GATA4: variants seen among roughly 807,000 people sequenced by gnomAD.
The protein encoded by GATA4 is transcription factor GATA-4.
In GATA4, 7 loss-of-function variants were observed where a neutral mutation model predicts 37.9. That is an observed-to-expected ratio of 0.18 (90% confidence interval 0.11 to 0.35). GATA4 has a LOEUF of 0.35. Among genes scored for constraint, GATA4 ranks in the 10% least tolerant of loss-of-function variants. The pLI, the probability that GATA4 is intolerant of heterozygous loss-of-function variation, is 1.00. For missense variants in GATA4, 647 were observed against 653.0 expected, an observed-to-expected ratio of 0.99 and a Z score of 0.10; for synonymous variants, 372 against 292.6, an observed-to-expected ratio of 1.27 and a Z score of -2.77.
At chr8:11,693,182 C>A in intron 1 of GATA4, 2 of 743,902 alleles carry the variant, frequency 2.7e-6, no homozygotes, top group Non-Finnish European at 3.3e-6. Flanking sequence ...AATGATTCGG[C>A]AAGCTGGGCG....
At chr8:11,732,585 G>T (rs1801262359) in intron 2 of GATA4, among the ~76,000 whole-genome samples, 1 of 152,232 alleles carries the variant, frequency 6.6e-6, no homozygotes. Context: ...ATTCAAGATA[G>T]ATGTGATTGA....
chr8:11,736,850 C>T (rs1341244300), intron 2 of GATA4, among the ~76,000 whole-genome samples: 1 of 152,208 alleles, frequency 6.6e-6, no homozygotes, highest in Non-Finnish European at 1.5e-5. Context: ...TGGTCTAACA[C>T]CTTCCTTTTA....
chr8:11,757,559 A>T (rs1339488408), intron 6 of GATA4, among the ~76,000 whole-genome samples: 1 of 152,212 alleles, frequency 6.6e-6, no homozygotes, highest in Non-Finnish European at 1.5e-5. Flanking sequence ...TTAGACTTCA[A>T]CAGGGAGGGT....
chr8:11,709,580 G>GA lies in GATA4; in HGVS notation c.616+652_616+653insA, dbSNP rs1025080017. Among the ~76,000 whole-genome samples, 12 of 151,954 alleles carry GA rather than the reference G, an allele frequency of 7.9e-5. No homozygotes were observed. The highest frequency in any genetic ancestry group is 1.5e-4 in the Non-Finnish European group (10 of 67,886). ...TGGGCGCATCATGCGGGCAGCGGGG[G>GA]GGGGGGCGCACACGCCCGGTCAGTG... is the stretch of plus-strand genomic sequence containing the variant. On this transcript the variant is annotated intron_variant, in intron 2 of 6. Coordinates refer to ENST00000532059, the MANE Select transcript of GATA4 (RefSeq NM_001308093.3). This position sits in a 1 kb window ranked among gnomAD's most constrained non-coding sequence, Gnocchi z 4.3.
chr8:11,716,322 T>A (rs999670282), intron 2 of GATA4, among the ~76,000 whole-genome samples: 1 of 152,152 alleles, frequency 6.6e-6, no homozygotes, highest in South Asian at 2.1e-4. Flanking sequence ...CTTTTTTTTT[T>A]AAAGAAGATT....
chr8:11,758,514 G>A lies in GATA4; in HGVS notation c.*39G>A, dbSNP rs370181429. On this transcript the variant is annotated 3_prime_UTR_variant, in exon 7 of 7. Transcript: ENST00000532059. ...CTCCTCAAATTCCTGCACGGACCTG[G>A]GACTTGGAGGATAGCAAAGAAGGAG... 1 of 1,607,896 alleles carries A rather than the reference G, an allele frequency of 6.2e-7. No individual in the cohort carries two copies. The highest frequency in any genetic ancestry group is 1.3e-5 in the African/African-American group (1 of 74,778).
At chr8:11,705,371 T>C (rs961244259) in intron 1 of GATA4, among the ~76,000 whole-genome samples, 20 of 152,214 alleles carry the variant, frequency 1.3e-4, no homozygotes, top group African/African-American at 4.3e-4. Flanking sequence ...ACCGTCCTCC[T>C]CGCTGCAGGC....
chr8:11,683,722 G>A (rs1191052163), intron 1 of GATA4, among the ~76,000 whole-genome samples: 1 of 152,176 alleles, frequency 6.6e-6, no homozygotes, highest in Non-Finnish European at 1.5e-5. Flanking sequence ...CTGCTCACTT[G>A]TTTGCCCCAA....
rs1554488884 is a variant in GATA4 at position 11,709,575 on chromosome 8, C to CGGGGGGGGGA, written c.616+656_616+657insAGGGGGGGGG. On this transcript the variant is annotated intron_variant, in intron 2 of 6. Coordinates refer to ENST00000532059, the MANE Select transcript of GATA4 (RefSeq NM_001308093.3). The surrounding 1 kb of genome is among the most constrained non-coding windows in gnomAD (Gnocchi z 4.3). Reference sequence around the variant, plus strand: ...GCGCGTGGGCGCATCATGCGGGCAGCGGGGGGGGGGGCGCACACGCCCGGT... The same window carrying CGGGGGGGGGA: ...GCGCGTGGGCGCATCATGCGGGCAGCGGGGGGGGGAGGGGGGGGGGGCGCACACGCCCGGT... Among the ~76,000 whole-genome samples, 4 of 93,862 alleles carry CGGGGGGGGGA rather than the reference C, an allele frequency of 4.3e-5. No homozygotes were observed. The highest frequency in any genetic ancestry group is 2.7e-4 in the African/African-American group (4 of 14,626). 61.6% of individuals were successfully genotyped at this position (93,862 alleles called of 152,430 possible).
At chr8:11,688,870 G>A (rs1799225193), upstream of GATA4, among the ~76,000 whole-genome samples, 1 of 152,172 alleles carries the variant, frequency 6.6e-6, no homozygotes, top group Non-Finnish European at 1.5e-5. Context: ...AGGGAACAAT[G>A]GGGGCAATAG....
At chr8:11,713,254 A>T (rs1266794387) in intron 2 of GATA4, among the ~76,000 whole-genome samples, 6 of 152,240 alleles carry the variant, frequency 3.9e-5, no homozygotes, top group Admixed American at 3.9e-4. Context: ...TCCAAGTTCC[A>T]TATGAGCTAC....
intron 1 of GATA4, among the ~76,000 whole-genome samples, chr8:11,685,488 GTT>G (rs1799107145): frequency 6.6e-6 from 1 of 152,198 alleles, no homozygotes; most frequent in African/African-American, 2.4e-5. Context: ...TTCCTACGAT[GTT>G]TATGACTGGT....
chr8:11,683,417 G>C (rs1275963173), intron 1 of GATA4, among the ~76,000 whole-genome samples: 1 of 151,414 alleles, frequency 6.6e-6, no homozygotes, highest in African/African-American at 2.4e-5. Context: ...GAATCCTTTT[G>C]GGTTGGAGGT....
At chr8:11,739,402 C>A (rs1412354100) in intron 2 of GATA4, among the ~76,000 whole-genome samples, 1 of 152,154 alleles carries the variant, frequency 6.6e-6, no homozygotes, top group African/African-American at 2.4e-5. Context: ...AAAGTTTATT[C>A]CAGTGAATTA....
chr8:11,726,987 C>T (rs1342767347), intron 2 of GATA4, among the ~76,000 whole-genome samples: 1 of 152,142 alleles, frequency 6.6e-6, no homozygotes, highest in Non-Finnish European at 1.5e-5. Context: ...CCCTCCAACT[C>T]ACTTTGTGTA....
intron 2 of GATA4, among the ~76,000 whole-genome samples, chr8:11,717,845 G>T (rs1466580859): frequency 2.0e-5 from 3 of 152,200 alleles, no homozygotes; most frequent in Admixed American, 1.3e-4. Flanking sequence ...AGGAATCCCA[G>T]TGTTGCACAA....
intron 5 of GATA4, chr8:11,756,628 A>C: frequency 2.2e-6 from 1 of 452,314 alleles, no homozygotes; most frequent in Non-Finnish European, 4.1e-6. Context: ...TGCTGGAGGT[A>C]TTCTGTAATA....
Position 11,716,579 on chromosome 8 carries a change from G to C in GATA4, c.616+7651G>C, listed in dbSNP as rs935465657. Among the ~76,000 whole-genome samples the C allele has an allele frequency of 7.9e-5, 12 of 152,214 alleles. No homozygotes were observed. In the East Asian group the frequency reaches 2.1e-3, roughly 27 times the overall value. ...GGAAATCTCTACTCCTGGTCTCAGT[G>C]CTGGTAGTGGATCTAAATCAGCAAT... On this transcript the variant is annotated intron_variant, in intron 2 of 6. Coordinates refer to ENST00000532059, the MANE Select transcript of GATA4 (RefSeq NM_001308093.3).
chr8:11,681,833 A>C (rs1011427251), intron 1 of GATA4, among the ~76,000 whole-genome samples: 3 of 152,084 alleles, frequency 2.0e-5, no homozygotes, highest in Non-Finnish European at 4.4e-5. Flanking sequence ...CCGTGGGCAG[A>C]CCCGGCTGAT....
Sources: allele counts gnomAD v4.1 joint callset (sites outside exome capture counted in the v4.1 genomes callset), GRCh38; gene constraint gnomAD v4.1.1; non-coding constraint Gnocchi (gnomAD v3.1); transcripts MANE v1.5; gene names NCBI Gene and HGNC (gene_info 2026-07-23, HGNC 2026-07-21).